Variants in CCDC178 observed in about 807,000 individuals in gnomAD.
CCDC178 encodes coiled-coil domain-containing protein 178.
CCDC178 carries 126 observed loss-of-function variants against 117.4 expected under a neutral mutation model. The ratio of observed to expected loss-of-function variants is 1.07; its 90% CI spans 0.93 to 1.24. The LOEUF (loss-of-function observed/expected upper bound fraction) is 1.24, where lower values mean the gene tolerates loss of function less well. Among genes scored for constraint, CCDC178 ranks in the 50% most tolerant of loss-of-function variants. The pLI, the probability that CCDC178 is intolerant of heterozygous loss-of-function variation, is 0.00. For missense variants in CCDC178, 1,030 were observed against 986.9 expected, an observed-to-expected ratio of 1.04 and a Z score of -0.59; for synonymous variants, 283 against 313.4, an observed-to-expected ratio of 0.90 and a Z score of 1.02.
At chr18:32,966,877 G>A (rs999908823) in intron 22 of CCDC178, among the ~76,000 whole-genome samples, 1 of 151,698 alleles carries the variant, frequency 6.6e-6, no homozygotes, top group African/African-American at 2.4e-5. Context: ...TCTCCAAAAA[G>A]ATTGAGCTAA....
intron 11 of CCDC178, among the ~76,000 whole-genome samples, chr18:33,309,456 G>C (rs562937610): frequency 6.6e-6 from 1 of 152,092 alleles, no homozygotes; most frequent in Non-Finnish European, 1.5e-5. Context: ...ATACATGCTT[G>C]TAGAAAAACT....
intron 20 of CCDC178, among the ~76,000 whole-genome samples, chr18:33,208,294 T>C (rs2059069287): frequency 6.6e-6 from 1 of 152,084 alleles, no homozygotes; most frequent in Non-Finnish European, 1.5e-5. Context: ...GGAAATCCAT[T>C]GGTCAGCTCC....
intron 20 of CCDC178, among the ~76,000 whole-genome samples, chr18:33,194,759 T>G (rs1429509155): frequency 1.3e-5 from 2 of 151,900 alleles, no homozygotes; most frequent in Non-Finnish European, 2.9e-5. Flanking sequence ...TTTGGCTACA[T>G]GCAAATGAAA....
chr18:32,952,188 C>T (rs2054501506), intron 22 of CCDC178, among the ~76,000 whole-genome samples: 1 of 152,230 alleles, frequency 6.6e-6, no homozygotes, highest in Admixed American at 6.5e-5. Context: ...CTTCTCACAG[C>T]TCCACTAGGC....
chr18:33,033,327 T>C (rs2056381644), intron 21 of CCDC178, among the ~76,000 whole-genome samples: 1 of 152,210 alleles, frequency 6.6e-6, no homozygotes, highest in East Asian at 1.9e-4. Flanking sequence ...TTTCTCCTCA[T>C]GAGTTTAGCC....
intron 4 of CCDC178, among the ~76,000 whole-genome samples, chr18:33,394,226 C>T (rs1451037402): frequency 1.3e-5 from 2 of 151,820 alleles, no homozygotes; most frequent in African/African-American, 2.4e-5. Flanking sequence ...AAAAAAATCT[C>T]AAAGTGAGAA....
At chr18:33,186,048 C>T (rs568667566) in intron 20 of CCDC178, among the ~76,000 whole-genome samples, 3 of 152,006 alleles carry the variant, frequency 2.0e-5, no homozygotes, top group South Asian at 4.1e-4. Flanking sequence ...AGTCATGCCT[C>T]TAAGAATAAT....
intron 21 of CCDC178, among the ~76,000 whole-genome samples, chr18:33,034,679 C>T (rs986011194): frequency 8.5e-5 from 13 of 152,094 alleles, no homozygotes; most frequent in African/African-American, 3.1e-4. Context: ...TTGTTGTGTA[C>T]ACAATGATTT....
intron 21 of CCDC178, among the ~76,000 whole-genome samples, chr18:33,081,713 A>G (rs1429598500): frequency 6.6e-6 from 1 of 152,158 alleles, no homozygotes. Context: ...CCCTGTACCA[A>G]GGGAAATAAC....
At chr18:33,332,838 T>C (rs574588618) in intron 10 of CCDC178, among the ~76,000 whole-genome samples, 1 of 152,224 alleles carries the variant, frequency 6.6e-6, no homozygotes, top group South Asian at 2.1e-4. Flanking sequence ...CATCTCTAGC[T>C]CCTGGGCTTA....
At chr18:33,376,020 G>A (rs973443210) in intron 5 of CCDC178, among the ~76,000 whole-genome samples, 2 of 152,134 alleles carry the variant, frequency 1.3e-5, no homozygotes, top group Non-Finnish European at 2.9e-5. Context: ...CGGCCAAGCG[G>A]GTGACTTGAG....
At chr18:33,295,414 A>T (rs2062094337) in intron 11 of CCDC178, among the ~76,000 whole-genome samples, 1 of 152,132 alleles carries the variant, frequency 6.6e-6, no homozygotes, top group African/African-American at 2.4e-5. Flanking sequence ...CACCAAGTAC[A>T]TGATGAATAA....
At chr18:33,212,694 C>G (rs1029103510) in intron 19 of CCDC178, among the ~76,000 whole-genome samples, 2 of 151,698 alleles carry the variant, frequency 1.3e-5, no homozygotes, top group Non-Finnish European at 2.9e-5. Flanking sequence ...ATTGTTTAAG[C>G]TGGTATGTGA....
chr18:33,012,546 A>G (rs2055892218), intron 21 of CCDC178, among the ~76,000 whole-genome samples: 3 of 152,318 alleles, frequency 2.0e-5, no homozygotes, highest in South Asian at 4.1e-4. Flanking sequence ...CTCAGAAATC[A>G]TAAAAGGTGC....
intron 2 of CCDC178, among the ~76,000 whole-genome samples, chr18:33,422,734 A>G (rs1212337293): frequency 6.6e-6 from 1 of 152,176 alleles, no homozygotes; most frequent in Non-Finnish European, 1.5e-5. Context: ...TCTGGTTGAA[A>G]ATGTCTGGTT....
intron 21 of CCDC178, among the ~76,000 whole-genome samples, chr18:33,079,944 G>T (rs955613496): frequency 3.9e-5 from 6 of 152,144 alleles, no homozygotes; most frequent in Non-Finnish European, 5.9e-5. Flanking sequence ...CAGAGGAATA[G>T]AAATCATTCT....
At chr18:33,321,552 C>A (rs1568145060) in intron 11 of CCDC178, among the ~76,000 whole-genome samples, 2 of 152,020 alleles carry the variant, frequency 1.3e-5, no homozygotes, top group African/African-American at 4.8e-5. Context: ...AATGTAATAA[C>A]TAGAGTAAAA....
chr18:33,065,420 A>G (rs550420506), intron 21 of CCDC178, among the ~76,000 whole-genome samples: 2 of 152,228 alleles, frequency 1.3e-5, no homozygotes, highest in South Asian at 2.1e-4. Context: ...AAGAAAGCCT[A>G]TGTGACACAT....
Position 33,092,869 on chromosome 18 carries a change from A to T in CCDC178, c.2280T>A (p.Ala760=). The change falls in exon 21 of 23, where the codon GCT becomes GCA. Residue 760 remains alanine, a synonymous_variant. Coordinates refer to ENST00000383096, the MANE Select transcript of CCDC178 (RefSeq NM_001105528.4). ...TAATCTGTAGCTGTTGATACTCTTG[A>T]GCTAAACGCAGATTTTCTTCAAGTG... The part of the protein sequence containing the change: ...ADSLEENLRL[A]QEYQQLQITF... 3 of 1,572,370 alleles carry T rather than the reference A, an allele frequency of 1.9e-6. No homozygotes were observed. The highest frequency in any genetic ancestry group is 2.6e-6 in the Non-Finnish European group (3 of 1,162,386).
Sources: gnomAD v4.1 joint callset for allele counts (sites outside exome capture counted in the v4.1 genomes callset) on GRCh38, gnomAD v4.1.1 for gene constraint, MANE v1.5 for transcripts, NCBI Gene and HGNC (gene_info 2026-07-23, HGNC 2026-07-21) for gene names.